The following CCT3 variants were observed in gnomAD, a reference collection of about 807,000 sequenced individuals.
The protein encoded by CCT3 is chaperonin containing TCP1 subunit 3, also known as T-complex protein 1 subunit gamma.
A neutral mutation model predicts 65.3 loss-of-function variants in CCT3; 10 were observed. That is an observed-to-expected ratio of 0.15 (90% confidence interval 0.09 to 0.26). CCT3 has a LOEUF of 0.26. Ranked by LOEUF, CCT3 falls within the 10% of genes least tolerant of loss-of-function variation. The pLI is 1.00. For synonymous variants in CCT3, 225 were observed against 242.3 expected (o/e 0.93, Z 0.66); for missense variants, 626 against 708.7 (o/e 0.88, Z 1.33).
rs200444120 is a variant in CCT3 at position 156,309,219 on chromosome 1, G to A, written c.1618C>T (p.Pro540Ser). The A allele has an allele frequency of 6.2e-7, 1 of 1,613,290 alleles. No homozygotes were observed. The highest frequency in any genetic ancestry group is 8.5e-7 in the Non-Finnish European group (1 of 1,179,250). The stretch of plus-strand genomic sequence containing the variant: ...AGCACTCACTCCTGGCCAGCATCAG[G>A]AGCCCCGCCTTGCCGGCTCTGGTCA... The part of the protein sequence containing the change: ...GDDQSRQGGA[P>S]DAGQE Residue 540 changes from proline to serine, a missense_variant, in exon 14 of 14, where the codon CCT becomes TCT. Transcript: ENST00000295688.
intron 6 of CCT3, among the ~76,000 whole-genome samples, chr1:156,323,046 C>T (rs1664632585): frequency 6.6e-6 from 1 of 151,650 alleles, no homozygotes; most frequent in Admixed American, 6.6e-5. Context: ...GTGGCTCACG[C>T]CTGTAATCCC....
At chr1:156,321,955 T>C (rs1664568969) in intron 6 of CCT3, among the ~76,000 whole-genome samples, 1 of 152,180 alleles carries the variant, frequency 6.6e-6, no homozygotes, top group Admixed American at 6.5e-5. Flanking sequence ...ACTCCAAAAA[T>C]GGTATCTAAG....
intron 10 of CCT3, among the ~76,000 whole-genome samples, chr1:156,313,369 A>C (rs922543238): frequency 2.7e-5 from 4 of 148,882 alleles, no homozygotes; most frequent in African/African-American, 9.9e-5. Flanking sequence ...AAAAAGAGAG[A>C]GAGAGAGAGA....
chr1:156,313,154 G>A (rs1223595067), intron 10 of CCT3, among the ~76,000 whole-genome samples: 1 of 151,856 alleles, frequency 6.6e-6, no homozygotes, highest in Admixed American at 6.6e-5. Flanking sequence ...GACCAGCCTG[G>A]TGAAACCCCG....
rs1664035444 is a variant in CCT3, at chr1:156,310,475, C to T, written c.1533+83G>A. Reference sequence around the variant, plus strand: ...CACCACTGCACTCCAGCCTGGGTGACTGAGACTGCGTCTCAAAAATAAATA... The same window carrying T: ...CACCACTGCACTCCAGCCTGGGTGATTGAGACTGCGTCTCAAAAATAAATA... On this transcript the variant is annotated intron_variant, in intron 13 of 13. Transcript: ENST00000295688. The T allele has an allele frequency of 3.8e-6, 4 of 1,065,206 alleles. No homozygotes were observed. The Admixed American group carries it at 9.0e-5, about 24-fold the overall frequency. The allele number at this position is 1,065,206 out of a possible 1,614,324, so 66.0% of individuals were successfully genotyped here.
intron 1 of CCT3, among the ~76,000 whole-genome samples, chr1:156,336,414 TA>T (rs1048264909): frequency 5.1e-4 from 77 of 152,214 alleles, no homozygotes; most frequent in African/African-American, 1.9e-3. Flanking sequence ...TCTGCTTGGA[TA>T]GGGGGATCAT....
At chr1:156,328,669 AAG>A (rs1411927071) in intron 5 of CCT3, among the ~76,000 whole-genome samples, 1 of 151,872 alleles carries the variant, frequency 6.6e-6, no homozygotes, top group Non-Finnish European at 1.5e-5. Flanking sequence ...CATGCTCGTT[AAG>A]AGTCATCACC....
chr1:156,314,083 C>T (rs1368351656), intron 10 of CCT3, among the ~76,000 whole-genome samples: 1 of 61,894 alleles, frequency 1.6e-5, no homozygotes, highest in African/African-American at 8.9e-5. Flanking sequence ...GAGACTCTGT[C>T]TCCAAAAAAA....
At chr1:156,328,058 TCTGGCAGGGAGGTGGGGGGGTCAGCCCC>T in intron 5 of CCT3, among the ~76,000 whole-genome samples, 1 of 4,282 alleles carries the variant, frequency 2.3e-4, no homozygotes, top group Non-Finnish European at 4.7e-4. Context: ...AGCCGCCCCA[TCTGGCAGGGAGGTGGGGGGGTCAGCCCC>T]CCGCCCAGCC....
intron 10 of CCT3, among the ~76,000 whole-genome samples, chr1:156,313,334 GTC>G (rs1161090251): frequency 1.1e-3 from 70 of 64,060 alleles, no homozygotes; most frequent in Admixed American, 2.6e-3. Context: ...GTAAGATTCT[GTC>G]TCAAAAAAAA....
At chr1:156,332,005 C>T (rs1050677731) in intron 5 of CCT3, among the ~76,000 whole-genome samples, 2 of 151,370 alleles carry the variant, frequency 1.3e-5, no homozygotes, top group African/African-American at 4.8e-5. Flanking sequence ...GCACTCCAGC[C>T]TGGGCAACAA....
intron 7 of CCT3, among the ~76,000 whole-genome samples, chr1:156,319,338 G>C (rs572983583): frequency 3.3e-5 from 5 of 151,572 alleles, no homozygotes; most frequent in Non-Finnish European, 5.9e-5. Context: ...GGATGGTCTC[G>C]ATCTCCTGAC....
intron 1 of CCT3, 74 bp downstream of exon 1, chr1:156,338,080 C>G: frequency 6.6e-7 from 1 of 1,508,720 alleles, no homozygotes; most frequent in Non-Finnish European, 9.0e-7. Flanking sequence ...GGGGACGGAG[C>G]TGGGGCAACA....
At chr1:156,334,542 A>ACTT (rs1665251909) in intron 4 of CCT3, among the ~76,000 whole-genome samples, 171 bp downstream of exon 4, 1 of 152,142 alleles carries the variant, frequency 6.6e-6, no homozygotes, top group Non-Finnish European at 1.5e-5. Flanking sequence ...TTTATTTCAG[A>ACTT]CTTCTAGCTT....
chr1:156,336,031 T>C (rs1665332311), intron 1 of CCT3, 143 bp from the exon 2 acceptor site: 1 of 572,934 alleles, frequency 1.7e-6, no homozygotes, highest in Non-Finnish European at 3.1e-6. Context: ...ACACTTTAAA[T>C]AAGTGCAGTT....
chr1:156,321,895 T>C (rs971881364), intron 6 of CCT3, among the ~76,000 whole-genome samples: 1 of 152,164 alleles, frequency 6.6e-6, no homozygotes, highest in African/African-American at 2.4e-5. Flanking sequence ...AGGCACATAA[T>C]ATACCAATTA....
intron 5 of CCT3, among the ~76,000 whole-genome samples, chr1:156,325,861 G>A (rs1664779260): frequency 6.6e-6 from 1 of 151,944 alleles, no homozygotes; most frequent in Non-Finnish European, 1.5e-5. Flanking sequence ...GGGATTACAG[G>A]CGTAAGCTAC....
At chr1:156,319,198 C>T (rs1664442922) in intron 7 of CCT3, among the ~76,000 whole-genome samples, 181 bp from the exon 8 acceptor site, 1 of 151,494 alleles carries the variant, frequency 6.6e-6, no homozygotes, top group Admixed American at 6.6e-5. Flanking sequence ...CTGCAAGCTC[C>T]GCCTCCCGGG....
chr1:156,330,377 T>C (rs958501035), intron 5 of CCT3, among the ~76,000 whole-genome samples: 4 of 152,232 alleles, frequency 2.6e-5, no homozygotes, highest in South Asian at 2.1e-4. Flanking sequence ...TGCAGTACAA[T>C]AGGGCCAGGC....
Sources: allele counts gnomAD v4.1 joint callset (sites outside exome capture counted in the v4.1 genomes callset), GRCh38; gene constraint gnomAD v4.1.1; transcripts MANE v1.5; gene names NCBI Gene and HGNC (gene_info 2026-07-23, HGNC 2026-07-21).